Variants in PGM5 observed in about 807,000 individuals in gnomAD.
PGM5 encodes phosphoglucomutase 5.
A neutral mutation model predicts 59.2 loss-of-function variants in PGM5; 23 were observed. The ratio of observed to expected loss-of-function variants is 0.39; its 90% CI spans 0.28 to 0.55. PGM5 has a LOEUF of 0.55. PGM5 is among the 20% of genes least tolerant of loss of function. The pLI is 0.66. For missense variants in PGM5, 574 were observed against 748.3 expected (o/e 0.77, Z 2.72); for synonymous variants, 214 against 286.0 (o/e 0.75, Z 2.54).
intron 7 of PGM5, among the ~76,000 whole-genome samples, chr9:68,475,108 G>C (rs1824082818): frequency 6.6e-6 from 1 of 151,288 alleles, no homozygotes; most frequent in African/African-American, 2.4e-5. Flanking sequence ...CTACCTTCTG[G>C]GTTCAAATGA....
At chr9:68,367,181 A>G in intron 1 of PGM5, among the ~76,000 whole-genome samples, 1 of 151,250 alleles carries the variant, frequency 6.6e-6, no homozygotes, top group Non-Finnish European at 1.5e-5. Flanking sequence ...ACTTTCACAC[A>G]ACATAAAGGA....
chr9:68,488,653 C>T (rs1311531988), intron 9 of PGM5, among the ~76,000 whole-genome samples: 1 of 152,120 alleles, frequency 6.6e-6, no homozygotes, highest in Admixed American at 6.5e-5. Flanking sequence ...GCATGTGTGA[C>T]CTCGGATGCC....
intron 3 of PGM5, among the ~76,000 whole-genome samples, chr9:68,385,924 A>G (rs2132003212): frequency 6.6e-6 from 1 of 152,030 alleles, no homozygotes; most frequent in South Asian, 2.1e-4. Context: ...TATGTGCTGT[A>G]TTCTTGCTGG....
intron 1 of PGM5, among the ~76,000 whole-genome samples, chr9:68,365,144 T>A (rs1199627909): frequency 0.034 from 4,644 of 138,022 alleles, no homozygotes; most frequent in African/African-American, 0.13. Flanking sequence ...ATCCTAACCC[T>A]CTCAGTTTTA....
At chr9:68,382,381 A>G (rs1554678392) in intron 2 of PGM5, among the ~76,000 whole-genome samples, 3 of 151,868 alleles carry the variant, frequency 2.0e-5, no homozygotes, top group African/African-American at 7.2e-5. Flanking sequence ...AAAGAACTAA[A>G]TATAAGATCT....
At position 68,431,569 on chromosome 9, in the gene PGM5, A is replaced by AACCTGTCC. The variant is rs144127046; in HGVS notation, c.1044-33521_1044-33514dup. On this transcript the variant is annotated intron_variant, in intron 6 of 10. Coordinates refer to ENST00000396396, the MANE Select transcript of PGM5 (RefSeq NM_021965.4). Reference sequence around the variant, plus strand: ...CTTTGTTGAACTTTCCAAAAGAGGCAACCTGTCCACAGTTCTGAAGGCTGT... The same window carrying AACCTGTCC: ...CTTTGTTGAACTTTCCAAAAGAGGCAACCTGTCCACCTGTCCACAGTTCTGAAGGCTGT... 5.4e-3 allele frequency among the ~76,000 whole-genome samples: 830 copies of AACCTGTCC among 152,350 alleles called. 10 individuals are homozygous for AACCTGTCC. The highest frequency in any genetic ancestry group is 0.017 in the African/African-American group (717 of 41,572).
At chr9:68,454,682 C>G (rs1409792812) in intron 6 of PGM5, among the ~76,000 whole-genome samples, 2 of 152,062 alleles carry the variant, frequency 1.3e-5, no homozygotes, top group Non-Finnish European at 2.9e-5. Context: ...AGTAACTTGG[C>G]CAAGGTTGCA....
At chr9:68,522,732 T>C (rs1397607457) in intron 10 of PGM5, among the ~76,000 whole-genome samples, 2 of 152,208 alleles carry the variant, frequency 1.3e-5, no homozygotes, top group Non-Finnish European at 2.9e-5. Flanking sequence ...GTAGGGTCTG[T>C]CACATGTCCA....
intron 6 of PGM5, among the ~76,000 whole-genome samples, chr9:68,407,432 C>T (rs1200383691): frequency 1.3e-5 from 2 of 152,108 alleles, no homozygotes; most frequent in Non-Finnish European, 2.9e-5. Context: ...CATGCCCAGC[C>T]CCTATTGCCT....
intron 6 of PGM5, among the ~76,000 whole-genome samples, chr9:68,452,933 T>C (rs1263868897): frequency 1.3e-5 from 2 of 152,206 alleles, no homozygotes; most frequent in African/African-American, 4.8e-5. Flanking sequence ...TTTAACATAG[T>C]CCTTCTTCTC....
At chr9:68,371,618 A>T (rs1554677170) in intron 1 of PGM5, 1 of 151,994 alleles carries the variant, frequency 6.6e-6, no homozygotes, top group Non-Finnish European at 1.5e-5. Context: ...TCAGATAAAG[A>T]TGCAGAGCCT....
At chr9:68,519,655 A>C (rs970241274) in intron 10 of PGM5, among the ~76,000 whole-genome samples, 2 of 151,664 alleles carry the variant, frequency 1.3e-5, no homozygotes, top group Non-Finnish European at 2.9e-5. Context: ...GTATAATAAA[A>C]AAAAATTAAA....
chr9:68,429,154 A>G (rs1470131489), intron 6 of PGM5: 5 of 152,172 alleles, frequency 3.3e-5, no homozygotes, highest in African/African-American at 1.2e-4. Flanking sequence ...AAATGATATG[A>G]AGTTAAACTC....
chr9:68,499,212 T>C lies in PGM5; in HGVS notation c.1480-15T>C. On this transcript the variant is annotated splice_polypyrimidine_tract_variant and intron_variant, in intron 9 of 10. Transcript: ENST00000396396. ...CATTTGCTCACTGCTCCATTCTGGA[T>C]GTTCTTGGTCTCAGGGCCTAAGGAT... 6.2e-7 allele frequency: 1 copy of C among 1,613,930 alleles called. No individual in the cohort carries two copies. The highest frequency in any genetic ancestry group is 1.1e-5 in the South Asian group (1 of 91,042).
chr9:68,408,405 A>G (rs1432844905), intron 6 of PGM5, among the ~76,000 whole-genome samples: 1 of 152,020 alleles, frequency 6.6e-6, no homozygotes, highest in Non-Finnish European at 1.5e-5. Context: ...TCCTTCACCC[A>G]CTTTTTGATG....
At chr9:68,492,489 T>C (rs1415826704) in intron 9 of PGM5, among the ~76,000 whole-genome samples, 3 of 152,074 alleles carry the variant, frequency 2.0e-5, no homozygotes, top group African/African-American at 7.2e-5. Context: ...AGAAGGCTGG[T>C]TGGTTTTTAA....
chr9:68,493,878 A>C (rs1218532159), intron 9 of PGM5, among the ~76,000 whole-genome samples: 1 of 152,228 alleles, frequency 6.6e-6, no homozygotes, highest in Non-Finnish European at 1.5e-5. Context: ...TTTTGTGTGG[A>C]GATAGCTGCA....
chr9:68,528,694 G>C (rs1428458268), intron 10 of PGM5, among the ~76,000 whole-genome samples: 1 of 152,064 alleles, frequency 6.6e-6, no homozygotes, highest in Admixed American at 6.6e-5. Flanking sequence ...ATTCTAGCTG[G>C]GTAACTCCTG....
intron 6 of PGM5, among the ~76,000 whole-genome samples, chr9:68,407,286 C>T (rs1822840645): frequency 6.6e-6 from 1 of 152,068 alleles, no homozygotes; most frequent in African/African-American, 2.4e-5. Context: ...CACCACCCTA[C>T]CTGGCTAATT....
Sources: allele counts gnomAD v4.1 joint callset (sites outside exome capture counted in the v4.1 genomes callset), GRCh38; gene constraint gnomAD v4.1.1; transcripts MANE v1.5; gene names NCBI Gene and HGNC (gene_info 2026-07-23, HGNC 2026-07-21).